The following CACNA1E variants were observed in gnomAD, a reference collection of about 807,000 sequenced individuals.
CACNA1E encodes calcium voltage-gated channel subunit alpha1 E.
A neutral mutation model predicts 259.2 loss-of-function variants in CACNA1E; 40 were observed. That is an observed-to-expected ratio of 0.15 (90% CI 0.12 to 0.20). The LOEUF (loss-of-function observed/expected upper bound fraction) is 0.20, where lower values mean the gene tolerates loss of function less well. CACNA1E is among the 10% of genes least tolerant of loss of function. The pLI is 1.00. For missense variants in CACNA1E, 1,874 were observed against 3,040.1 expected, an observed-to-expected ratio of 0.62 and a Z score of 9.02; for synonymous variants, 1,104 against 1,138.5, an observed-to-expected ratio of 0.97 and a Z score of 0.61.
At chr1:181,629,262 TG>T (rs146178574) in intron 6 of CACNA1E, among the ~76,000 whole-genome samples, 2,175 of 152,326 alleles carry the variant, frequency 0.014, 43 homozygotes, top group African/African-American at 0.048. Flanking sequence ...AAGCAGCTGA[TG>T]CTCTTTGCTT....
At chr1:181,575,720 A>C (rs975900903) in intron 3 of CACNA1E, among the ~76,000 whole-genome samples, 1 of 152,180 alleles carries the variant, frequency 6.6e-6, no homozygotes, top group Admixed American at 6.5e-5. Context: ...TCTAATTTCT[A>C]ACTCATATTC....
chr1:181,367,273 AG>A (rs1247058126), intron 1 of CACNA1E, among the ~76,000 whole-genome samples: 9 of 152,168 alleles, frequency 5.9e-5, no homozygotes, highest in African/African-American at 2.2e-4. Context: ...GTGCTGTTTA[AG>A]AAGCTCTTTT....
At chr1:181,421,610 C>T (rs188390881) in intron 2 of CACNA1E, among the ~76,000 whole-genome samples, 2 of 152,230 alleles carry the variant, frequency 1.3e-5, no homozygotes, top group African/African-American at 4.8e-5. Context: ...CCTGTCTGGC[C>T]CCTCATTTTT....
chr1:181,402,895 T>C lies in CACNA1E; in HGVS notation c.-14-10238T>C, dbSNP rs1215550848. On this transcript the variant is annotated intron_variant, in intron 1 of 11. Transcript: ENST00000524607. Reference sequence around the variant, plus strand: ...CAGATTTTGAATTCTAGGTACAGTGTTACTAGCTATGTGACCTTGGGTAAC... The same window carrying C: ...CAGATTTTGAATTCTAGGTACAGTGCTACTAGCTATGTGACCTTGGGTAAC... 3.9e-5 allele frequency among the ~76,000 whole-genome samples: 6 copies of C among 152,254 alleles called. No homozygotes were observed. The South Asian group carries it at 1.2e-3, about 32-fold the overall frequency.
intron 7 of CACNA1E, among the ~76,000 whole-genome samples, chr1:181,693,818 A>G (rs1651442027): frequency 6.6e-6 from 1 of 152,166 alleles, no homozygotes; most frequent in Non-Finnish European, 1.5e-5. Context: ...AAATTACCAA[A>G]ACTAAGAGAA....
chr1:181,450,041 G>A (rs1661051875), intron 2 of CACNA1E, among the ~76,000 whole-genome samples: 1 of 152,192 alleles, frequency 6.6e-6, no homozygotes, highest in Non-Finnish European at 1.5e-5. Context: ...GCATGGCTGG[G>A]GAGGTCTCAG....
At chr1:181,709,376 GGT>G (rs1010713963) in intron 7 of CACNA1E, among the ~76,000 whole-genome samples, 6 of 151,136 alleles carry the variant, frequency 4.0e-5, no homozygotes, top group Non-Finnish European at 7.4e-5. Flanking sequence ...TTGTCCTTCC[GGT>G]GTGCCTTTCC....
intron 1 of CACNA1E, among the ~76,000 whole-genome samples, chr1:181,396,922 CTTTAT>C (rs1431533883): frequency 1.3e-5 from 2 of 152,188 alleles, no homozygotes; most frequent in African/African-American, 2.4e-5. Context: ...ACTGGAGCTA[CTTTAT>C]TTTAAGAGTA....
At chr1:181,415,266 C>T (rs1156959632) in intron 2 of CACNA1E, among the ~76,000 whole-genome samples, 2 of 152,264 alleles carry the variant, frequency 1.3e-5, no homozygotes, top group African/African-American at 4.8e-5. Flanking sequence ...CCATGACTAG[C>T]AATGTGGAAA....
chr1:181,763,959 G>T (rs887834072), intron 34 of CACNA1E, among the ~76,000 whole-genome samples: 1 of 152,168 alleles, frequency 6.6e-6, no homozygotes, highest in Non-Finnish European at 1.5e-5. Context: ...TTTTTCAAAG[G>T]ACTCATTGAG....
At chr1:181,788,076 A>C (rs1660995006) in intron 43 of CACNA1E, among the ~76,000 whole-genome samples, 1 of 152,246 alleles carries the variant, frequency 6.6e-6, no homozygotes, top group African/African-American at 2.4e-5. Context: ...ACCATTTCGT[A>C]GGTTACTGCA....
intron 7 of CACNA1E, among the ~76,000 whole-genome samples, chr1:181,670,359 A>T (rs985114216): frequency 1.3e-5 from 2 of 152,212 alleles, no homozygotes; most frequent in Non-Finnish European, 2.9e-5. Context: ...AGTTGAATTA[A>T]AAGTTATTTT....
intron 7 of CACNA1E, among the ~76,000 whole-genome samples, chr1:181,684,977 G>T (rs1167795456): frequency 6.6e-6 from 1 of 151,316 alleles, no homozygotes; most frequent in Non-Finnish European, 1.5e-5. Context: ...AGTACATATG[G>T]CTTTGGGGGG....
intron 38 of CACNA1E, 24 bp from the exon 39 acceptor site, chr1:181,781,403 C>T (rs541701853): frequency 2.3e-6 from 3 of 1,325,470 alleles, no homozygotes; most frequent in African/African-American, 1.4e-5. Context: ...CACCCCATCC[C>T]AACTCACCAC....
At chr1:181,613,950 C>T (rs1370471166) in intron 6 of CACNA1E, among the ~76,000 whole-genome samples, 1 of 152,132 alleles carries the variant, frequency 6.6e-6, no homozygotes, top group Admixed American at 6.5e-5. Flanking sequence ...AAATATCTTT[C>T]TAAAATTATC....
At chr1:181,599,757 A>G (rs912258142) in intron 6 of CACNA1E, among the ~76,000 whole-genome samples, 9 of 152,248 alleles carry the variant, frequency 5.9e-5, no homozygotes, top group African/African-American at 1.9e-4. Flanking sequence ...GGATCAAGCT[A>G]TCAGCAGGGA....
At chr1:181,360,467 T>C (rs1215223380) in intron 1 of CACNA1E, among the ~76,000 whole-genome samples, 3 of 152,092 alleles carry the variant, frequency 2.0e-5, no homozygotes, top group Non-Finnish European at 1.5e-5. Flanking sequence ...CTTGAAAACA[T>C]TATATTAGGT....
intron 5 of CACNA1E, among the ~76,000 whole-genome samples, 196 bp downstream of exon 5, chr1:181,579,420 A>G (rs900338621): frequency 1.3e-5 from 2 of 152,208 alleles, no homozygotes; most frequent in African/African-American, 4.8e-5. Flanking sequence ...TTAATATTGC[A>G]AAGCAAATAT....
At chr1:181,389,291 A>G (rs1656081719) in intron 1 of CACNA1E, among the ~76,000 whole-genome samples, 1 of 152,230 alleles carries the variant, frequency 6.6e-6, no homozygotes, top group East Asian at 1.9e-4. Context: ...TGCAAAAATC[A>G]TGGCACTAAA....
Sources: allele counts gnomAD v4.1 joint callset (sites outside exome capture counted in the v4.1 genomes callset), GRCh38; gene constraint gnomAD v4.1.1; transcripts MANE v1.5; gene names NCBI Gene and HGNC (gene_info 2026-07-23, HGNC 2026-07-21).